Variants in DST observed in about 807,000 individuals in gnomAD.
DST encodes dystonin, also known as bullous pemphigoid antigen.
Under a neutral mutation model 875.2 loss-of-function variants are expected in DST, and 253 were observed. The ratio of observed to expected loss-of-function variants is 0.29; its 90% CI spans 0.26 to 0.32. The LOEUF (loss-of-function observed/expected upper bound fraction) is 0.32. DST is among the 10% of genes least tolerant of loss of function. The pLI, the probability that DST is intolerant of heterozygous loss-of-function variation, is 1.00. For synonymous variants in DST, 3,124 were observed against 3,197.1 expected (o/e 0.98, Z 0.77); for missense variants, 8,287 against 9,111.6 (o/e 0.91, Z 3.68).
At chr6:56,708,477 T>G (rs2152889571) in intron 5 of DST, among the ~76,000 whole-genome samples, 1 of 151,826 alleles carries the variant, frequency 6.6e-6, no homozygotes, top group South Asian at 2.1e-4. Context: ...CTGCCTGCTT[T>G]TCCTGTCTCA....
chr6:56,878,968 CA>C (rs1780755575), intron 3 of DST, among the ~76,000 whole-genome samples: 1 of 152,100 alleles, frequency 6.6e-6, no homozygotes. Flanking sequence ...TAAGAATCAC[CA>C]GTAAAGTTGT....
At position 56,608,989 on chromosome 6, in the gene DST, C is replaced by G. The variant is rs764463208; in HGVS notation, c.5639G>C (p.Gly1880Ala). The G allele has an allele frequency of 6.2e-7, 1 of 1,613,804 alleles. No homozygotes were observed. The highest frequency in any genetic ancestry group is 2.2e-5 in the East Asian group (1 of 44,874). Residue 1880 changes from glycine to alanine, a missense_variant, in exon 40 of 104, where the codon GGC (glycine) becomes GCC (alanine). Physicochemically the swap from Gly to Ala is moderately conservative, Grantham distance 60 (BLOSUM62 0). Transcript: ENST00000680361. ...TCCTGTGGCTGGAATAACCAGAGAG[C>G]CTGTAGAAAGCAGTATCTCAAGAAC... ...IKVLEILLST[G>A]SLVIPATGEQ...
At position 56,606,010 on chromosome 6, in the gene DST, T is replaced by C; in HGVS notation, c.8618A>G (p.Gln2873Arg). The change falls in exon 40 of 104, where the codon CAA (glutamine) becomes CGA (arginine). Residue 2873 changes from glutamine (Q) to arginine (R), a missense_variant. Coordinates refer to ENST00000680361, the MANE Select transcript of DST (RefSeq NM_001374736.1). The stretch of plus-strand genomic sequence containing the variant: ...TGCTAGCTGTACAACATTTACCCTT[T>C]GCTGTTTTTCTAAAGAGCTACAACT... The part of the protein sequence containing the change: ...MHSCSSLEKQ[Q>R]RVNVVQLASP... 1 of 1,612,900 alleles carries C rather than the reference T, an allele frequency of 6.2e-7. No individual in the cohort carries two copies. The highest frequency in any genetic ancestry group is 1.1e-5 in the South Asian group (1 of 91,032).
At chr6:56,780,408 G>A (rs958115802) in intron 4 of DST, among the ~76,000 whole-genome samples, 1 of 151,292 alleles carries the variant, frequency 6.6e-6, no homozygotes, top group Non-Finnish European at 1.5e-5. Context: ...ACTTTTTAAT[G>A]ATTGCCATTC....
At chr6:56,742,292 C>T in intron 4 of DST, 1 of 1,289,686 alleles carries the variant, frequency 7.8e-7, no homozygotes, top group Non-Finnish European at 1.0e-6. Flanking sequence ...ATCAGTCCCA[C>T]CAGCTTTGCG....
intron 4 of DST, among the ~76,000 whole-genome samples, chr6:56,737,942 A>T (rs893334203): frequency 3.9e-5 from 6 of 152,246 alleles, no homozygotes; most frequent in African/African-American, 1.2e-4. Flanking sequence ...AAAGGAAATA[A>T]GGAAATTTTA....
chr6:56,638,422 A>C (rs1166154385), intron 22 of DST, among the ~76,000 whole-genome samples: 2 of 152,124 alleles, frequency 1.3e-5, no homozygotes. Flanking sequence ...GAATTGTACT[A>C]ATCTTTTGAG....
intron 2 of DST, among the ~76,000 whole-genome samples, chr6:56,950,133 T>C (rs1821607566): frequency 6.6e-6 from 1 of 152,256 alleles, no homozygotes; most frequent in Non-Finnish European, 1.5e-5. Flanking sequence ...AGATAATTCT[T>C]GTGTTACTCA....
At chr6:56,878,001 C>T (rs776095736) in intron 3 of DST, among the ~76,000 whole-genome samples, 1 of 151,860 alleles carries the variant, frequency 6.6e-6, no homozygotes, top group Non-Finnish European at 1.5e-5. Flanking sequence ...ACCAGTCATG[C>T]AATAAAGGGC....
At chr6:56,733,957 T>G (rs2099513125) in intron 5 of DST, among the ~76,000 whole-genome samples, 1 of 152,172 alleles carries the variant, frequency 6.6e-6, no homozygotes, top group Non-Finnish European at 1.5e-5. Flanking sequence ...TAAGAATTAT[T>G]TAAAAGACAG....
At chr6:56,741,432 A>AT (rs1489429834) in intron 4 of DST, among the ~76,000 whole-genome samples, 9 of 152,248 alleles carry the variant, frequency 5.9e-5, no homozygotes, top group African/African-American at 1.9e-4. Context: ...TGATCAACTT[A>AT]AATGAGTCCC....
Position 56,607,934 on chromosome 6 carries a change from T to G in DST, c.6694A>C (p.Met2232Leu). Residue 2232 changes from methionine to leucine, a missense_variant, in exon 40 of 104, where the codon ATG becomes CTG. By Grantham distance (15) the Met-to-Leu change is conservative. Around this residue, in one of 10 missense-constraint regions of DST, gnomAD observed 3,138 missense variants for 3,116.6 expected, o/e 1.01. Coordinates refer to ENST00000680361, the MANE Select transcript of DST (RefSeq NM_001374736.1). ...YDGDLDEAVG[M>L]LLEGCHAEFD... Reference sequence around the variant, plus strand: ...TCTGCATGACAGCCTTCCAGTAGCATGCCAACAGCCTCATCCAAGTCTCCA... The same window carrying G: ...TCTGCATGACAGCCTTCCAGTAGCAGGCCAACAGCCTCATCCAAGTCTCCA... 1.2e-6 allele frequency: 2 copies of G among 1,613,700 alleles called. 1 individual carries two copies. Among genetic ancestry groups the G allele is most frequent in the South Asian group, 2.2e-5 (2 of 91,082 alleles).
intron 57 of DST, 51 bp from the exon 58 acceptor site, chr6:56,560,474 T>C (rs371037867): frequency 2.0e-6 from 3 of 1,519,768 alleles, no homozygotes; most frequent in African/African-American, 2.8e-5. Context: ...AAGACAAAAA[T>C]ACAATAATGA....
intron 2 of DST, among the ~76,000 whole-genome samples, chr6:56,937,880 T>C (rs140426272): frequency 6.6e-6 from 1 of 152,202 alleles, no homozygotes; most frequent in East Asian, 1.9e-4. Flanking sequence ...AACCTTAAGC[T>C]ACATGAAAGA....
intron 4 of DST, among the ~76,000 whole-genome samples, chr6:56,764,867 G>A (rs1052602579): frequency 6.6e-6 from 1 of 151,688 alleles, no homozygotes; most frequent in Non-Finnish European, 1.5e-5. Flanking sequence ...TGAGGCAGGA[G>A]AATTGCTTGA....
At chr6:56,498,949 T>C (rs1371347180) in intron 80 of DST, among the ~76,000 whole-genome samples, 1 of 152,156 alleles carries the variant, frequency 6.6e-6, no homozygotes, top group Non-Finnish European at 1.5e-5. Flanking sequence ...AGTGGAAATA[T>C]ATGAATAGGT....
At chr6:56,692,356 T>C (rs1187557897) in intron 9 of DST, 1 of 1,149,784 alleles carries the variant, frequency 8.7e-7, no homozygotes, top group South Asian at 1.5e-5. Flanking sequence ...GAACACTTAT[T>C]TACTTGAACT....
At chr6:56,860,174 C>T (rs1160415823) in intron 3 of DST, among the ~76,000 whole-genome samples, 1 of 152,174 alleles carries the variant, frequency 6.6e-6, no homozygotes, top group African/African-American at 2.4e-5. Context: ...TCCAGTCTGA[C>T]ACAGTCCTTG....
At chr6:56,615,377 C>T (rs2098603467) in intron 36 of DST, 2 of 1,522,004 alleles carry the variant, frequency 1.3e-6, no homozygotes, top group African/African-American at 2.8e-5. Flanking sequence ...ATTTTGAGCA[C>T]TTAGCAATTT....
Sources: allele counts gnomAD v4.1 joint callset (sites outside exome capture counted in the v4.1 genomes callset), GRCh38; gene constraint gnomAD v4.1.1; regional missense constraint gnomAD v4.1.1; transcripts MANE v1.5; gene names NCBI Gene and HGNC (gene_info 2026-07-23, HGNC 2026-07-21).